Variants in PPP1R9A observed in about 807,000 individuals in gnomAD.
The protein encoded by PPP1R9A is neurabin-1.
PPP1R9A carries 59 observed loss-of-function variants against 141.9 expected under a neutral mutation model. The ratio of observed to expected loss-of-function variants is 0.42; its 90% CI spans 0.34 to 0.52. The LOEUF (loss-of-function observed/expected upper bound fraction) is 0.52. Ranked by LOEUF, PPP1R9A falls within the 20% of genes least tolerant of loss-of-function variation. The pLI is 0.10. For missense variants in PPP1R9A, 1,444 were observed against 1,611.9 expected (o/e 0.90, Z 1.78); for synonymous variants, 500 against 569.7 (o/e 0.88, Z 1.74).
chr7:95,151,718 G>C (rs904377378), intron 4 of PPP1R9A, among the ~76,000 whole-genome samples: 2 of 151,344 alleles, frequency 1.3e-5, no homozygotes, highest in Non-Finnish European at 2.9e-5. Context: ...GATGGGGGGA[G>C]ACTGTGCATG....
At chr7:95,250,489 A>G (rs184850441) in intron 10 of PPP1R9A, among the ~76,000 whole-genome samples, 51 of 152,220 alleles carry the variant, frequency 3.4e-4, no homozygotes, top group Admixed American at 2.9e-3. Flanking sequence ...CCTCTTTGCT[A>G]TTTTTGATAA....
chr7:95,286,989 C>G (rs1805469952), intron 18 of PPP1R9A: 1 of 993,444 alleles, frequency 1.0e-6, no homozygotes, highest in Non-Finnish European at 1.4e-6. Flanking sequence ...GTAAGCTTTT[C>G]TGCCCGTATT....
At chr7:95,138,037 A>G (rs1025896998) in intron 4 of PPP1R9A, among the ~76,000 whole-genome samples, 2 of 148,530 alleles carry the variant, frequency 1.3e-5, no homozygotes. Context: ...GGTTCACACC[A>G]TTCTCCTGCC....
intron 12 of PPP1R9A, among the ~76,000 whole-genome samples, chr7:95,254,520 G>T (rs77010459): frequency 0.014 from 2,159 of 152,250 alleles, 55 homozygotes; most frequent in African/African-American, 0.049. Context: ...AGTTCCCAAA[G>T]TTCCTAGATG....
At chr7:95,077,316 C>T (rs1815007395) in intron 2 of PPP1R9A, among the ~76,000 whole-genome samples, 1 of 152,000 alleles carries the variant, frequency 6.6e-6, no homozygotes. Context: ...TTTATATAAT[C>T]TGTGATTTTT....
At chr7:95,011,199 AAATT>A in intron 2 of PPP1R9A, among the ~76,000 whole-genome samples, 1 of 152,306 alleles carries the variant, frequency 6.6e-6, no homozygotes, top group African/African-American at 2.4e-5. Context: ...AAACATACCA[AAATT>A]AATTTTATTC....
intron 2 of PPP1R9A, among the ~76,000 whole-genome samples, chr7:95,063,286 G>A (rs764819570): frequency 3.3e-5 from 5 of 152,140 alleles, no homozygotes; most frequent in Non-Finnish European, 7.4e-5. Flanking sequence ...ATTTGGTGGA[G>A]GGAATGGCTC....
At chr7:95,212,249 A>G (rs1412837786) in intron 7 of PPP1R9A, among the ~76,000 whole-genome samples, 1 of 152,138 alleles carries the variant, frequency 6.6e-6, no homozygotes, top group Admixed American at 6.5e-5. Flanking sequence ...TAATATATTC[A>G]TTTAATTTGT....
At chr7:95,063,784 A>G (rs1280199540) in intron 2 of PPP1R9A, among the ~76,000 whole-genome samples, 3 of 152,114 alleles carry the variant, frequency 2.0e-5, no homozygotes, top group East Asian at 3.8e-4. Context: ...ATTTGTGGGG[A>G]TGTGTTTTCT....
chr7:95,206,441 A>C (rs1363251676), intron 7 of PPP1R9A, among the ~76,000 whole-genome samples: 1 of 152,200 alleles, frequency 6.6e-6, no homozygotes, highest in Non-Finnish European at 1.5e-5. Flanking sequence ...ACATAGCTCC[A>C]TTTAAATATT....
chr7:95,032,279 G>A (rs140530808), intron 2 of PPP1R9A, among the ~76,000 whole-genome samples: 263 of 152,228 alleles, frequency 1.7e-3, no homozygotes, highest in African/African-American at 6.2e-3. Context: ...CAGGTTCATG[G>A]ACGATTTCTC....
At chr7:95,155,426 A>G (rs1829450753) in intron 4 of PPP1R9A, 1 of 152,144 alleles carries the variant, frequency 6.6e-6, no homozygotes, top group Non-Finnish European at 1.5e-5. Flanking sequence ...CCTGGGCTCA[A>G]ACAATTCTCC....
chr7:94,955,987 G>T (rs1370187108), intron 2 of PPP1R9A, among the ~76,000 whole-genome samples: 1 of 152,082 alleles, frequency 6.6e-6, no homozygotes, highest in Non-Finnish European at 1.5e-5. Flanking sequence ...CTGCCTACTT[G>T]CCTACCTGCC....
intron 2 of PPP1R9A, among the ~76,000 whole-genome samples, chr7:94,930,609 G>A (rs772950970): frequency 1.3e-5 from 2 of 152,068 alleles, no homozygotes; most frequent in Admixed American, 6.6e-5. Flanking sequence ...TAAAGTGCTG[G>A]GATTACAGGC....
At chr7:95,288,057 C>T (rs1805674292) in intron 18 of PPP1R9A, among the ~76,000 whole-genome samples, 2 of 152,142 alleles carry the variant, frequency 1.3e-5, no homozygotes, top group Admixed American at 1.3e-4. Flanking sequence ...GCTTGCTGCT[C>T]AAGTGAAATA....
chr7:95,008,983 G>C (rs1804023267), intron 2 of PPP1R9A, among the ~76,000 whole-genome samples: 1 of 152,138 alleles, frequency 6.6e-6, no homozygotes, highest in Admixed American at 6.5e-5. Flanking sequence ...AAAAAAGGTT[G>C]AGTTCATGTC....
intron 12 of PPP1R9A, among the ~76,000 whole-genome samples, chr7:95,260,514 A>G (rs899973967): frequency 2.0e-5 from 3 of 152,080 alleles, no homozygotes; most frequent in African/African-American, 4.8e-5. Context: ...CCCTGTCTCT[A>G]CTAAAAATAC....
intron 7 of PPP1R9A, among the ~76,000 whole-genome samples, chr7:95,210,758 C>G (rs1381030860): frequency 6.6e-6 from 1 of 152,110 alleles, no homozygotes; most frequent in Non-Finnish European, 1.5e-5. Context: ...AAATGCCCAC[C>G]AATGATAGAC....
At chr7:94,994,477 A>T (rs574120739) in intron 2 of PPP1R9A, among the ~76,000 whole-genome samples, 18 of 152,332 alleles carry the variant, frequency 1.2e-4, no homozygotes, top group African/African-American at 3.1e-4. Context: ...CTGGATTTTT[A>T]AAAAATGTAC....
Sources: gnomAD v4.1 joint callset for allele counts (sites outside exome capture counted in the v4.1 genomes callset) on GRCh38, gnomAD v4.1.1 for gene constraint, MANE v1.5 for transcripts, NCBI Gene and HGNC (gene_info 2026-07-23, HGNC 2026-07-21) for gene names.